Variants in TRMT112 observed in about 807,000 individuals in gnomAD.
TRMT112 encodes tRNA methyltransferase activator subunit 11-2, also known as multifunctional methyltransferase subunit TRM112-like protein.
A neutral mutation model predicts 13.8 loss-of-function variants in TRMT112; 9 were observed. The ratio of observed to expected loss-of-function variants is 0.65; its 90% CI spans 0.39 to 1.14. The LOEUF is 1.14. Among genes scored for constraint, TRMT112 ranks in the 50% most tolerant of loss-of-function variants. The pLI is 0.01. For synonymous variants in TRMT112, 64 were observed against 67.0 expected (o/e 0.96, Z 0.22); for missense variants, 196 against 165.5 (o/e 1.18, Z -1.01).
chr11:64,318,153 G>C (rs1452662604), upstream of TRMT112: 7 of 1,598,834 alleles, frequency 4.4e-6, no homozygotes, highest in Non-Finnish European at 6.0e-6. Flanking sequence ...TGCCGCTAGC[G>C]GTGCCCCGCC....
chr11:64,318,140 C>T (rs2035359664), upstream of TRMT112: 8 of 1,584,108 alleles, frequency 5.1e-6, no homozygotes, highest in Non-Finnish European at 6.9e-6. Context: ...GGTGTCGCCG[C>T]TGTGCCGCTA....
At chr11:64,318,319 A>C, upstream of TRMT112, 1 of 1,612,586 alleles carries the variant, frequency 6.2e-7, no homozygotes, top group Non-Finnish European at 8.5e-7. Context: ...CGGTACAGTG[A>C]AGGAGAGTGG....
upstream of TRMT112, chr11:64,317,872 C>A: frequency 8.2e-7 from 1 of 1,214,674 alleles, no homozygotes; most frequent in Non-Finnish European, 1.1e-6. Flanking sequence ...AGGCGCCTAA[C>A]ACCGTCGTCC....
In TRMT112 at chr11:64,317,540, C is replaced by T; in HGVS notation, c.-14G>A. ...AAGCAGTTTCATGTCGCCGCACAAA[C>T]TCTCGCCAGGCCGGAACCGGAAAAA... is the stretch of plus-strand genomic sequence containing the variant. On this transcript the variant is annotated 5_prime_UTR_variant, in exon 1 of 4. Coordinates refer to ENST00000544844, the MANE Select transcript of TRMT112 (RefSeq NM_016404.3). The T allele has an allele frequency of 1.9e-6, 3 of 1,544,548 alleles. No homozygotes were observed. Among genetic ancestry groups the T allele is most frequent in the Non-Finnish European group, 2.6e-6 (3 of 1,138,108 alleles).
upstream of TRMT112, chr11:64,317,999 C>T: frequency 7.1e-7 from 1 of 1,411,642 alleles, no homozygotes; most frequent in Non-Finnish European, 9.2e-7. Context: ...GTGCCGAAAG[C>T]TCCGCCCCAT....
Position 64,317,554 on chromosome 11 carries a change from G to T in TRMT112, c.-28C>A. 6.6e-7 allele frequency: 1 copy of T among 1,518,480 alleles called. No individual in the cohort carries two copies. The highest frequency in any genetic ancestry group is 1.2e-5 in the South Asian group (1 of 80,312). 94.1% of individuals were successfully genotyped at this position (1,518,480 alleles called of 1,614,324 possible). A position where few individuals can be genotyped will look rare whatever the true frequency, so the allele number is the denominator to read the frequency against. On this transcript the variant is annotated 5_prime_UTR_variant, in exon 1 of 4. Coordinates refer to ENST00000544844, the MANE Select transcript of TRMT112 (RefSeq NM_016404.3). Reference sequence around the variant, plus strand: ...CGCCGCACAAACTCTCGCCAGGCCGGAACCGGAAAAAGGTCGTCCTCCGCT... The same window carrying T: ...CGCCGCACAAACTCTCGCCAGGCCGTAACCGGAAAAAGGTCGTCCTCCGCT...
At position 64,317,519 on chromosome 11, in the gene TRMT112, A is replaced by G; in HGVS notation, c.8T>C (p.Leu3Pro). The change falls in exon 1 of 4, where the codon CTG becomes CCG. Residue 3 changes from leucine to proline, a missense_variant. Transcript: ENST00000544844. MK[L>P]LTHNLLSSHV... ...CGAGCTCAGCAGATTGTGGGTAAGC[A>G]GTTTCATGTCGCCGCACAAACTCTC... 1 of 1,574,778 alleles carries G rather than the reference A, an allele frequency of 6.4e-7. No individual in the cohort carries two copies. The highest frequency in any genetic ancestry group is 8.7e-7 in the Non-Finnish European group (1 of 1,155,180).
upstream of TRMT112, chr11:64,318,091 G>A (rs1422426779): frequency 4.1e-6 from 6 of 1,472,838 alleles, no homozygotes; most frequent in Non-Finnish European, 5.4e-6. Context: ...GGCCGCTCGC[G>A]CCTGCGCAGT....
chr11:64,318,530 G>A, upstream of TRMT112: 5 of 1,079,028 alleles, frequency 4.6e-6, no homozygotes, highest in South Asian at 5.9e-5. Flanking sequence ...GAAGGCCCTC[G>A]TGGCTGCCCA....
chr11:64,317,256 A>T lies in TRMT112; in HGVS notation c.180+8T>A. The T allele has an allele frequency of 6.2e-7, 1 of 1,610,274 alleles. No homozygotes were observed. The highest frequency in any genetic ancestry group is 8.5e-7 in the Non-Finnish European group (1 of 1,176,810). On this transcript the variant is annotated splice_region_variant and intron_variant, in intron 2 of 3. Coordinates refer to ENST00000544844, the MANE Select transcript of TRMT112 (RefSeq NM_016404.3). ...CGGGATATGCTGGGGCGGGGTAAGG[A>T]TCCTCACGTTATCGGCCGCCTCCAG...
At chr11:64,317,237 A>G in intron 2 of TRMT112, 27 bp downstream of exon 2, 1 of 1,608,232 alleles carries the variant, frequency 6.2e-7, no homozygotes, top group African/African-American at 1.3e-5. Context: ...TCCCCGGGAT[A>G]TGCTGGGGCG....
At chr11:64,317,179 C>G (rs370126216) in intron 2 of TRMT112, 32 bp from the exon 3 acceptor site, 10 of 1,612,428 alleles carry the variant, frequency 6.2e-6, no homozygotes, top group Non-Finnish European at 7.6e-6. Context: ...TATCTCCGGG[C>G]ATCCCGAACT....
In TRMT112 at chr11:64,316,723, A is replaced by ATAT; in HGVS notation, c.*135_*137dup. The ATAT allele has an allele frequency of 3.1e-6, 2 of 645,610 alleles. No individual in the cohort carries two copies. Among genetic ancestry groups the ATAT allele is most frequent in the Middle Eastern group, 4.2e-4 (1 of 2,358 alleles). The allele number at this position is 645,610 out of a possible 1,614,324, so 40.0% of individuals were successfully genotyped here. A position where few individuals can be genotyped will look rare whatever the true frequency, so the allele number is the denominator to read the frequency against. ...TTTAAACCTTTAATGAGAAAAAAAT[A>ATAT]TATAATACCGAGCTCAAAAACACTG... On this transcript the variant is annotated 3_prime_UTR_variant, in exon 4 of 4. Transcript: ENST00000544844.
chr11:64,317,161 G>A lies in TRMT112; in HGVS notation c.181-14C>T, dbSNP rs2035308778. ...GATCAGACGCAACTGTGGGCAAGAG[G>A]CCAAAATTATCTCCGGGCATCCCGA... is the stretch of plus-strand genomic sequence containing the variant. On this transcript the variant is annotated splice_polypyrimidine_tract_variant and intron_variant, in intron 2 of 3. Transcript: ENST00000544844. 1.9e-6 allele frequency: 3 copies of A among 1,613,590 alleles called. No homozygotes were observed. Among genetic ancestry groups the A allele is most frequent in the African/African-American group, 1.3e-5 (1 of 74,902 alleles).
upstream of TRMT112, chr11:64,317,684 A>T: frequency 1.2e-6 from 1 of 853,570 alleles, no homozygotes; most frequent in Non-Finnish European, 1.8e-6. Flanking sequence ...TGAGGTAGGT[A>T]GGTGAAAGAC....
At chr11:64,317,427 G>A in intron 1 of TRMT112, 22 bp downstream of exon 1, 1 of 1,613,458 alleles carries the variant, frequency 6.2e-7, no homozygotes, top group Non-Finnish European at 8.5e-7. Context: ...CCCGAAAAGG[G>A]AAGACTGCCG....
Position 64,317,046 on chromosome 11 carries a change from G to A in TRMT112, c.270+12C>T. On this transcript the variant is annotated intron_variant, in intron 3 of 3. Transcript: ENST00000544844. ...AGGTGGCCCGGGAAGCAAGTGATGG[G>A]CCGCTTCTCACCTCCAGCAGCAGGT... The A allele has an allele frequency of 1.2e-6, 2 of 1,614,112 alleles. No individual in the cohort carries two copies. The highest frequency in any genetic ancestry group is 1.7e-6 in the Non-Finnish European group (2 of 1,179,952).
chr11:64,317,000 G>A (rs751936442), intron 3 of TRMT112, 32 bp from the exon 4 acceptor site: 9 of 1,610,860 alleles, frequency 5.6e-6, no homozygotes, highest in Admixed American at 5.0e-5. Flanking sequence ...GCTGAGCACT[G>A]GCAGCCTCAG....
At chr11:64,318,236 C>T (rs1219234719), upstream of TRMT112, 12 of 1,611,776 alleles carry the variant, frequency 7.4e-6, no homozygotes, top group South Asian at 1.2e-4. Flanking sequence ...CTGGCGTGTG[C>T]GCCCTGAGAC....
Sources: allele counts gnomAD v4.1 joint callset, GRCh38; gene constraint gnomAD v4.1.1; transcripts MANE v1.5; gene names NCBI Gene and HGNC (gene_info 2026-07-23, HGNC 2026-07-21).